ZDHHC15: variants seen among roughly 807,000 people sequenced by gnomAD.
ZDHHC15 encodes the protein palmitoyltransferase ZDHHC15.
A neutral mutation model predicts 31.7 loss-of-function variants in ZDHHC15; 19 were observed. The observed-to-expected ratio is 0.60, with a 90% CI of 0.42 to 0.88. The LOEUF (loss-of-function observed/expected upper bound fraction) is 0.88, where lower values mean the gene tolerates loss of function less well. ZDHHC15 is among the 40% of genes least tolerant of loss of function. ZDHHC15 has a pLI of 0.00. For synonymous variants in ZDHHC15, 103 were observed against 90.0 expected (o/e 1.14, Z -0.82); for missense variants, 209 against 251.2 (o/e 0.83, Z 1.14).
intron 4 of ZDHHC15, among the ~76,000 whole-genome samples, chrX:75,440,146 G>A (rs2083918232): frequency 8.9e-6 from 1 of 112,321 alleles, no homozygotes; most frequent in African/African-American, 3.2e-5. Context: ...CTCAAATGCT[G>A]TTTGTGCTAA....
At position 75,429,058 on chromosome X, in the gene ZDHHC15, T is replaced by A; in HGVS notation, c.603+20A>T. On this transcript the variant is annotated intron_variant, in intron 7 of 11. Coordinates refer to ENST00000373367, the MANE Select transcript of ZDHHC15 (RefSeq NM_144969.3). ...GTGTGCATTTGTTCTAGGGGACCCTTCAGGATATTTTTAACTTACTCTCCA... is the reference window on the plus strand; with the variant it reads ...GTGTGCATTTGTTCTAGGGGACCCTACAGGATATTTTTAACTTACTCTCCA... 2.5e-6 allele frequency: 3 copies of A among 1,206,768 alleles called. No individual in the cohort carries two copies. The South Asian group carries it at 5.4e-5, about 22-fold the overall frequency.
chrX:75,385,227 C>T (rs1304385592), intron 10 of ZDHHC15, among the ~76,000 whole-genome samples: 5 of 111,751 alleles, frequency 4.5e-5, no homozygotes, highest in African/African-American at 1.6e-4. Flanking sequence ...CATCTCTGAA[C>T]CAGAGCTCTT....
At chrX:75,500,045 A>T (rs1434111945) in intron 2 of ZDHHC15, among the ~76,000 whole-genome samples, 1 of 111,391 alleles carries the variant, frequency 9.0e-6, no homozygotes, top group Non-Finnish European at 1.9e-5. Flanking sequence ...AAAACCAAAC[A>T]TCTATGTTTT....
At chrX:75,398,840 C>T (rs943217840) in intron 10 of ZDHHC15, among the ~76,000 whole-genome samples, 3 of 111,628 alleles carry the variant, frequency 2.7e-5, no homozygotes, top group African/African-American at 9.8e-5. Flanking sequence ...GGACCCCCAG[C>T]ACAACGCAGC....
At chrX:75,497,890 G>A (rs763583212) in intron 2 of ZDHHC15, among the ~76,000 whole-genome samples, 7 of 107,314 alleles carry the variant, frequency 6.5e-5, no homozygotes, top group Admixed American at 1.0e-4. Flanking sequence ...GGGAAAAGCT[G>A]AAAGCATTCC....
intron 2 of ZDHHC15, among the ~76,000 whole-genome samples, chrX:75,492,266 C>A (rs1367148369): frequency 9.0e-6 from 1 of 111,478 alleles, no homozygotes; most frequent in East Asian, 2.8e-4. Flanking sequence ...TACAGGAGCA[C>A]CCAGATTCAT....
intron 10 of ZDHHC15, among the ~76,000 whole-genome samples, chrX:75,393,959 ATT>A (rs1056914610): frequency 9.0e-6 from 1 of 110,756 alleles, no homozygotes; most frequent in Non-Finnish European, 1.9e-5. Flanking sequence ...ATCTTTTCAC[ATT>A]TTTTTGCCTG....
chrX:75,429,254 G>C, intron 6 of ZDHHC15, 56 bp from the exon 7 acceptor site: 1 of 1,150,661 alleles, frequency 8.7e-7, no homozygotes, highest in Non-Finnish European at 1.2e-6. Context: ...AGAGCACACT[G>C]ATACATAAGT....
At chrX:75,473,185 T>C (rs2084531461) in intron 3 of ZDHHC15, among the ~76,000 whole-genome samples, 1 of 112,009 alleles carries the variant, frequency 8.9e-6, no homozygotes, top group African/African-American at 3.2e-5. Flanking sequence ...GCAGCTGGAT[T>C]GATAGAACAG....
At chrX:75,410,275 C>T (rs1476775033) in intron 10 of ZDHHC15, among the ~76,000 whole-genome samples, 1 of 110,470 alleles carries the variant, frequency 9.1e-6, no homozygotes, top group Non-Finnish European at 1.9e-5. Flanking sequence ...GAAGAGACAA[C>T]CCATAGAATG....
intron 1 of ZDHHC15, among the ~76,000 whole-genome samples, chrX:75,522,619 C>A (rs762278472): frequency 9.0e-6 from 1 of 110,557 alleles, no homozygotes; most frequent in African/African-American, 3.3e-5. Context: ...GAAAAGGGAG[C>A]CCTCGTGGGA....
At chrX:75,410,898 T>C (rs1046136853) in intron 10 of ZDHHC15, among the ~76,000 whole-genome samples, 1 of 112,389 alleles carries the variant, frequency 8.9e-6, no homozygotes, top group African/African-American at 3.2e-5. Context: ...CGATGGAATA[T>C]TATTCATCTA....
intron 10 of ZDHHC15, among the ~76,000 whole-genome samples, chrX:75,385,802 C>T (rs1053863490): frequency 9.0e-6 from 1 of 111,717 alleles, no homozygotes; most frequent in Non-Finnish European, 1.9e-5. Context: ...TTTCTGACCA[C>T]CCTGGCCCAC....
chrX:75,479,246 A>G (rs921925326), intron 2 of ZDHHC15, among the ~76,000 whole-genome samples: 1 of 112,232 alleles, frequency 8.9e-6, no homozygotes, highest in African/African-American at 3.2e-5. Context: ...CTTTATGACA[A>G]TGTAGGGAAA....
At chrX:75,507,337 G>A (rs1313734725) in intron 1 of ZDHHC15, among the ~76,000 whole-genome samples, 1 of 110,458 alleles carries the variant, frequency 9.1e-6, no homozygotes, top group African/African-American at 3.3e-5. Context: ...CTGAAATTGT[G>A]TAGGAAGTAA....
At chrX:75,406,672 A>G (rs2083414591) in intron 10 of ZDHHC15, among the ~76,000 whole-genome samples, 1 of 107,079 alleles carries the variant, frequency 9.3e-6, no homozygotes, top group South Asian at 4.4e-4. Context: ...TAAACCAATG[A>G]GTAATGAGAT....
At chrX:75,373,232 G>A (rs183441877) in intron 11 of ZDHHC15, among the ~76,000 whole-genome samples, 1 of 111,267 alleles carries the variant, frequency 9.0e-6, no homozygotes, top group African/African-American at 3.3e-5. Context: ...CCTTCTACTT[G>A]CATTTTCCAC....
In ZDHHC15 at chrX:75,442,220, C is replaced by A. The variant is rs145674425; in HGVS notation, c.379+8582G>T. Among the ~76,000 whole-genome samples the A allele has an allele frequency of 7.9e-3, 887 of 111,976 alleles. 9 individuals are homozygous for A. The highest frequency in any genetic ancestry group is 0.027 in the African/African-American group (818 of 30,831). Reference sequence around the variant, plus strand: ...CCAGTGGGGGTGGGCTTCAACCAAGCCTTTGAGGACCAAAACTGGCACAAG... The same window carrying A: ...CCAGTGGGGGTGGGCTTCAACCAAGACTTTGAGGACCAAAACTGGCACAAG... On this transcript the variant is annotated intron_variant, in intron 4 of 11. Coordinates refer to ENST00000373367, the MANE Select transcript of ZDHHC15 (RefSeq NM_144969.3).
intron 2 of ZDHHC15, among the ~76,000 whole-genome samples, chrX:75,497,322 G>C (rs1400083084): frequency 1.8e-5 from 2 of 111,292 alleles, no homozygotes; most frequent in African/African-American, 6.5e-5. Flanking sequence ...ATAACAAGTA[G>C]CAAGATAGAA....
Sources: allele counts gnomAD v4.1 joint callset (sites outside exome capture counted in the v4.1 genomes callset), GRCh38; gene constraint gnomAD v4.1.1; transcripts MANE v1.5; gene names NCBI Gene and HGNC (gene_info 2026-07-23, HGNC 2026-07-21).